Variants in ADRA1B observed in about 807,000 individuals in gnomAD.
ADRA1B encodes the protein alpha-1B adrenergic receptor.
A neutral mutation model predicts 17.9 loss-of-function variants in ADRA1B; 17 were observed. That is an observed-to-expected ratio of 0.95 (90% CI 0.65 to 1.42). The LOEUF (loss-of-function observed/expected upper bound fraction) is 1.42. ADRA1B is among the 40% of genes most tolerant of loss of function. The pLI, the probability that ADRA1B is intolerant of heterozygous loss-of-function variation, is 0.00. For missense variants in ADRA1B, 681 were observed against 722.1 expected (o/e 0.94, Z 0.65); for synonymous variants, 366 against 327.6 (o/e 1.12, Z -1.27).
chr5:159,902,996 A>G (rs1287193858), intron 1 of ADRA1B, among the ~76,000 whole-genome samples: 1 of 152,180 alleles, frequency 6.6e-6, no homozygotes, highest in South Asian at 2.1e-4. Flanking sequence ...CAGCAGGCCC[A>G]TGAATCTGTG....
chr5:159,874,690 G>A (rs530694632), intron 1 of ADRA1B, among the ~76,000 whole-genome samples: 1 of 152,306 alleles, frequency 6.6e-6, no homozygotes, highest in South Asian at 2.1e-4. Flanking sequence ...TTAACAGCCT[G>A]AAGAATTAAA....
chr5:159,882,410 T>C (rs1167954798), intron 1 of ADRA1B, among the ~76,000 whole-genome samples: 3 of 152,206 alleles, frequency 2.0e-5, no homozygotes, highest in Non-Finnish European at 4.4e-5. Flanking sequence ...CGGGTTGTTA[T>C]GTATTGTTTC....
At chr5:159,920,149 C>A (rs535981006) in intron 1 of ADRA1B, among the ~76,000 whole-genome samples, 1 of 152,276 alleles carries the variant, frequency 6.6e-6, no homozygotes, top group African/African-American at 2.4e-5. Context: ...AATCAGCCCA[C>A]CAGGTGATTC....
At chr5:159,921,481 A>G (rs1039883479) in intron 1 of ADRA1B, among the ~76,000 whole-genome samples, 1 of 152,204 alleles carries the variant, frequency 6.6e-6, no homozygotes, top group Non-Finnish European at 1.5e-5. Flanking sequence ...GGGTCTCAAG[A>G]AGTGGCTGAG....
intron 1 of ADRA1B, among the ~76,000 whole-genome samples, chr5:159,962,902 C>T (rs371641605): frequency 1.5e-4 from 7 of 47,966 alleles, no homozygotes; most frequent in Admixed American, 2.0e-4. Context: ...ATTTCTTTTT[C>T]TTTTCTTTCT....
At chr5:159,915,430 T>A (rs553684952), upstream of ADRA1B, among the ~76,000 whole-genome samples, 2 of 152,298 alleles carry the variant, frequency 1.3e-5, no homozygotes, top group East Asian at 1.9e-4. Flanking sequence ...TGAACTAACA[T>A]AAAGTTCTTT....
At chr5:159,877,504 C>T (rs766085627) in intron 1 of ADRA1B, among the ~76,000 whole-genome samples, 4 of 152,194 alleles carry the variant, frequency 2.6e-5, no homozygotes, top group Non-Finnish European at 5.9e-5. Flanking sequence ...GTCATGCTCT[C>T]CAGCCTCCTT....
At chr5:159,903,718 C>T (rs1384648864) in intron 1 of ADRA1B, among the ~76,000 whole-genome samples, 1 of 152,142 alleles carries the variant, frequency 6.6e-6, no homozygotes, top group Non-Finnish European at 1.5e-5. Context: ...TGCATAGCAA[C>T]CAGAACACCT....
At chr5:159,899,251 G>GAAGA (rs1754069970) in intron 1 of ADRA1B, among the ~76,000 whole-genome samples, 8 of 132,114 alleles carry the variant, frequency 6.1e-5, no homozygotes, top group South Asian at 4.9e-4. Flanking sequence ...AGGAAGGAAG[G>GAAGA]AAGGAAGGAA....
intron 1 of ADRA1B, chr5:159,871,318 T>C (rs1025182158): frequency 2.6e-5 from 4 of 152,134 alleles, no homozygotes; most frequent in Admixed American, 6.5e-5. Context: ...TAACTGGAAG[T>C]TGGGGTCTAT....
intron 1 of ADRA1B, among the ~76,000 whole-genome samples, chr5:159,894,860 C>G (rs894741412): frequency 2.6e-5 from 4 of 152,126 alleles, no homozygotes; most frequent in Non-Finnish European, 4.4e-5. Flanking sequence ...CATTAAGAAC[C>G]TCATTCCAAG....
chr5:159,876,050 A>G (rs182950438), intron 1 of ADRA1B, among the ~76,000 whole-genome samples: 258 of 144,298 alleles, frequency 1.8e-3, no homozygotes, highest in Middle Eastern at 7.0e-3. Flanking sequence ...TTAAGCAGAA[A>G]TGGTGGTGCA....
intron 1 of ADRA1B, among the ~76,000 whole-genome samples, chr5:159,876,719 G>C (rs1381297410): frequency 6.6e-6 from 1 of 152,200 alleles, no homozygotes; most frequent in East Asian, 1.9e-4. Flanking sequence ...CTCTGTGTTG[G>C]AATGCTGGGG....
At chr5:159,898,898 A>G (rs1285143551) in intron 1 of ADRA1B, among the ~76,000 whole-genome samples, 1 of 152,216 alleles carries the variant, frequency 6.6e-6, no homozygotes, top group Non-Finnish European at 1.5e-5. Context: ...GTAATCCCAC[A>G]TTTGAGAGGC....
At chr5:159,949,610 ATCCTGAAGC>A (rs1755370153) in intron 1 of ADRA1B, among the ~76,000 whole-genome samples, 1 of 152,200 alleles carries the variant, frequency 6.6e-6, no homozygotes, top group African/African-American at 2.4e-5. Context: ...CTTTTAAACA[ATCCTGAAGC>A]ATAAGAAACC....
intron 1 of ADRA1B, among the ~76,000 whole-genome samples, chr5:159,880,756 CCTT>C (rs1255233152): frequency 2.6e-5 from 4 of 152,206 alleles, no homozygotes; most frequent in Admixed American, 1.3e-4. Flanking sequence ...AATTCCTCCT[CCTT>C]ATCACTGTCT....
At chr5:159,945,960 G>T (rs985806644) in intron 1 of ADRA1B, among the ~76,000 whole-genome samples, 1 of 152,118 alleles carries the variant, frequency 6.6e-6, no homozygotes, top group Non-Finnish European at 1.5e-5. Flanking sequence ...TGTTAGCCAG[G>T]ATGGTCTTGA....
At position 159,916,687 on chromosome 5, in the gene ADRA1B, T is replaced by G. The variant is rs983076150; in HGVS notation, c.-219T>G. On this transcript the variant is annotated 5_prime_UTR_variant, in exon 1 of 2. Coordinates refer to ENST00000306675, the MANE Select transcript of ADRA1B (RefSeq NM_000679.4). Reference sequence around the variant, plus strand: ...AACTTGGAGCTGCCGCCTCGTCCCCTCTCCTCCTCCTCCTCCCTCTGACAG... The same window carrying G: ...AACTTGGAGCTGCCGCCTCGTCCCCGCTCCTCCTCCTCCTCCCTCTGACAG... 197 of 458,744 alleles carry G rather than the reference T, an allele frequency of 4.3e-4. No individual in the cohort carries two copies. The highest frequency in any genetic ancestry group is 6.3e-4 in the Non-Finnish European group (161 of 257,070). 28.4% of individuals were successfully genotyped at this position (458,744 alleles called of 1,614,324 possible). A position where few individuals can be genotyped will look rare whatever the true frequency, so the allele number is the denominator to read the frequency against.
chr5:159,965,954 T>G (rs1340387099), intron 1 of ADRA1B, among the ~76,000 whole-genome samples: 1 of 152,168 alleles, frequency 6.6e-6, no homozygotes, highest in Non-Finnish European at 1.5e-5. Flanking sequence ...TGTGTATGTT[T>G]AGTAAAGACA....
Sources: allele counts gnomAD v4.1 joint callset (sites outside exome capture counted in the v4.1 genomes callset), GRCh38; gene constraint gnomAD v4.1.1; transcripts MANE v1.5; gene names NCBI Gene and HGNC (gene_info 2026-07-23, HGNC 2026-07-21).